ATRNL1: variants seen among roughly 807,000 people sequenced by gnomAD.
ATRNL1 encodes attractin-like protein 1.
ATRNL1 carries 95 observed loss-of-function variants against 182.7 expected under a neutral mutation model. That is an observed-to-expected ratio of 0.52 (90% confidence interval 0.44 to 0.62). The LOEUF (loss-of-function observed/expected upper bound fraction) is 0.62. ATRNL1 is among the 20% of genes least tolerant of loss of function. The pLI is 0.00. For synonymous variants in ATRNL1, 576 were observed against 568.3 expected, an observed-to-expected ratio of 1.01 and a Z score of -0.19; for missense variants, 1,471 against 1,679.5, an observed-to-expected ratio of 0.88 and a Z score of 2.17.
intron 18 of ATRNL1, among the ~76,000 whole-genome samples, chr10:115,329,303 C>G (rs1287311409): frequency 6.6e-6 from 1 of 152,044 alleles, no homozygotes; most frequent in Non-Finnish European, 1.5e-5. Flanking sequence ...TTTTTCCTAA[C>G]ATATTAGCTA....
At chr10:115,273,225 C>T (rs1554913806) in intron 13 of ATRNL1, among the ~76,000 whole-genome samples, 1 of 152,148 alleles carries the variant, frequency 6.6e-6, no homozygotes, top group South Asian at 2.1e-4. Flanking sequence ...TCCCTGCCAC[C>T]ATGGCCACTT....
At chr10:115,107,358 A>G (rs1844057845) in intron 1 of ATRNL1, among the ~76,000 whole-genome samples, 1 of 152,274 alleles carries the variant, frequency 6.6e-6, no homozygotes, top group Non-Finnish European at 1.5e-5. Context: ...GCCCCAAATA[A>G]GTCCAGAACC....
chr10:115,813,929 C>T (rs1205724725), intron 27 of ATRNL1, among the ~76,000 whole-genome samples: 1 of 152,094 alleles, frequency 6.6e-6, no homozygotes, highest in East Asian at 1.9e-4. Context: ...TATTTGACAA[C>T]CAAGTACACT....
At chr10:115,484,026 A>G (rs1430455548) in intron 24 of ATRNL1, among the ~76,000 whole-genome samples, 4 of 151,532 alleles carry the variant, frequency 2.6e-5, no homozygotes, top group African/African-American at 9.7e-5. Context: ...AACCTACACT[A>G]GGTCTCTCAA....
chr10:115,906,677 T>C (rs1365675478), intron 28 of ATRNL1, among the ~76,000 whole-genome samples: 1 of 152,188 alleles, frequency 6.6e-6, no homozygotes, highest in African/African-American at 2.4e-5. Context: ...TCTTCAAAGT[T>C]TTCGTATTAC....
chr10:115,861,617 G>A (rs1187169775), intron 28 of ATRNL1, among the ~76,000 whole-genome samples: 2 of 152,148 alleles, frequency 1.3e-5, no homozygotes, highest in Non-Finnish European at 2.9e-5. Context: ...TAGGCCTGTT[G>A]TCTCAGCCCC....
intron 26 of ATRNL1, among the ~76,000 whole-genome samples, chr10:115,650,597 T>C (rs1162871667): frequency 3.3e-5 from 5 of 151,994 alleles, no homozygotes; most frequent in Non-Finnish European, 7.4e-5. Flanking sequence ...AAGCTGACCA[T>C]GTTGATTTAA....
intron 17 of ATRNL1, among the ~76,000 whole-genome samples, chr10:115,314,039 A>G (rs1481927517): frequency 1.3e-5 from 2 of 152,222 alleles, no homozygotes; most frequent in African/African-American, 2.4e-5. Flanking sequence ...ATGTTCAGTT[A>G]TCTAAGGATT....
At chr10:115,386,678 T>G (rs1156361637) in intron 19 of ATRNL1, among the ~76,000 whole-genome samples, 1 of 151,950 alleles carries the variant, frequency 6.6e-6, no homozygotes, top group Non-Finnish European at 1.5e-5. Context: ...TTTATTATTA[T>G]TATACTTTAA....
At chr10:115,874,684 T>C (rs1421574152) in intron 28 of ATRNL1, among the ~76,000 whole-genome samples, 2 of 152,154 alleles carry the variant, frequency 1.3e-5, no homozygotes, top group African/African-American at 4.8e-5. Context: ...CAGCAGAACC[T>C]GAGATTTCCA....
chr10:115,852,853 C>T (rs782383487), intron 28 of ATRNL1, among the ~76,000 whole-genome samples: 11 of 152,162 alleles, frequency 7.2e-5, no homozygotes, highest in Non-Finnish European at 1.5e-4. Flanking sequence ...TCTGTGCATG[C>T]CGTGGCGCAT....
rs375090055 is a variant in ATRNL1, at chr10:115,371,692, T to G, written c.3176-22967T>G. ...ACAGTCTCATAGACAGAAGGGACTC[T>G]CCTTGTCTCGGATGAGACTGTGGAC... On this transcript the variant is annotated intron_variant, in intron 19 of 28. Transcript: ENST00000355044. 1.5e-3 allele frequency among the ~76,000 whole-genome samples: 234 copies of G among 152,334 alleles called. 1 individual carries two copies. The highest frequency in any genetic ancestry group is 5.4e-3 in the African/African-American group (223 of 41,570).
At chr10:115,304,570 A>G (rs1050894497) in intron 17 of ATRNL1, among the ~76,000 whole-genome samples, 1 of 152,174 alleles carries the variant, frequency 6.6e-6, no homozygotes, top group Non-Finnish European at 1.5e-5. Context: ...CGAAAGAGGA[A>G]ACCCCAAGTG....
intron 28 of ATRNL1, among the ~76,000 whole-genome samples, chr10:115,917,537 TACATTAG>T (rs1389125649): frequency 6.6e-6 from 1 of 150,998 alleles, no homozygotes; most frequent in Non-Finnish European, 1.5e-5. Flanking sequence ...TCATGTGGAC[TACATTAG>T]ACAAAGCGAG....
chr10:115,564,905 T>G (rs1555001168), intron 26 of ATRNL1, among the ~76,000 whole-genome samples: 2 of 152,014 alleles, frequency 1.3e-5, no homozygotes, highest in Non-Finnish European at 2.9e-5. Context: ...ATTATTATAA[T>G]TCTGAATTAT....
intron 26 of ATRNL1, among the ~76,000 whole-genome samples, chr10:115,602,073 G>A (rs1856626256): frequency 6.6e-6 from 1 of 152,026 alleles, no homozygotes; most frequent in Admixed American, 6.6e-5. Context: ...GTAAAAGGAG[G>A]CCTGGCACAG....
In ATRNL1 at chr10:115,464,691, T is replaced by C. The variant is rs376136598; in HGVS notation, c.3418-2483T>C. 2.0e-5 allele frequency among the ~76,000 whole-genome samples: 3 copies of C among 151,942 alleles called. No individual in the cohort carries two copies. In the East Asian group the frequency reaches 5.8e-4, roughly 29 times the overall value. Reference sequence around the variant, plus strand: ...TGTGACCTTTTAGCGACAACAGTTATGCTCATATTAATCTCATCCAGCATA... The same window carrying C: ...TGTGACCTTTTAGCGACAACAGTTACGCTCATATTAATCTCATCCAGCATA... On this transcript the variant is annotated intron_variant, in intron 22 of 28. Coordinates refer to ENST00000355044, the MANE Select transcript of ATRNL1 (RefSeq NM_207303.4).
chr10:115,094,081 C>T, intron 1 of ATRNL1, 38 bp downstream of exon 1: 1 of 1,355,046 alleles, frequency 7.4e-7, no homozygotes, highest in Admixed American at 3.3e-5. Flanking sequence ...TCCAGCCCTG[C>T]CTCGCTCCCG....
At chr10:115,169,017 CTT>C (rs71010011) in intron 7 of ATRNL1, among the ~76,000 whole-genome samples, 26 of 104,194 alleles carry the variant, frequency 2.5e-4, no homozygotes, top group Admixed American at 4.8e-4. Context: ...GGTGCAAGTT[CTT>C]TTTTTTTTTT....
Sources: allele counts gnomAD v4.1 joint callset (sites outside exome capture counted in the v4.1 genomes callset), GRCh38; gene constraint gnomAD v4.1.1; transcripts MANE v1.5; gene names NCBI Gene and HGNC (gene_info 2026-07-23, HGNC 2026-07-21).